The following NIPSNAP3B variants were observed in gnomAD, a reference collection of about 807,000 sequenced individuals.
NIPSNAP3B encodes protein NipSnap homolog 3B.
A neutral mutation model predicts 31.5 loss-of-function variants in NIPSNAP3B; 30 were observed. The ratio of observed to expected loss-of-function variants is 0.95; its 90% CI spans 0.71 to 1.29. NIPSNAP3B has a LOEUF of 1.29. Among genes scored for constraint, NIPSNAP3B ranks in the 50% most tolerant of loss-of-function variants. The pLI is 0.00. For synonymous variants in NIPSNAP3B, 106 were observed against 107.9 expected, an observed-to-expected ratio of 0.98 and a Z score of 0.11; for missense variants, 269 against 300.7, an observed-to-expected ratio of 0.89 and a Z score of 0.78.
chr9:104,768,555 A>G (rs370115811), intron 2 of NIPSNAP3B, among the ~76,000 whole-genome samples: 56 of 152,254 alleles, frequency 3.7e-4, no homozygotes, highest in African/African-American at 1.2e-3. Flanking sequence ...TTTTCTTCAC[A>G]GAATAAGAAA....
the NIPSNAP3B span, chr9:104,785,528 T>C: frequency 3.1e-6 from 5 of 1,614,022 alleles, no homozygotes; most frequent in East Asian, 6.7e-5. Flanking sequence ...TGTTCCGGTG[T>C]TTCTCTTTTA....
Position 104,775,526 on chromosome 9 carries a change from T to C in NIPSNAP3B, c.*2453T>C, listed in dbSNP as rs1384874263. ...ACCACTTCTCTTTTCTATTTATACT[T>C]ACTCCCTGCGTCATCACCCCCAGTC... On this transcript the variant is annotated 3_prime_UTR_variant, in exon 6 of 6. Coordinates refer to ENST00000374762, the MANE Select transcript of NIPSNAP3B (RefSeq NM_018376.4). 6.6e-6 allele frequency among the ~76,000 whole-genome samples: 1 copy of C among 152,196 alleles called. No individual in the cohort carries two copies. The highest frequency in any genetic ancestry group is 2.4e-5 in the African/African-American group (1 of 41,456).
At chr9:104,768,114 T>C in intron 2 of NIPSNAP3B, among the ~76,000 whole-genome samples, 1 of 152,188 alleles carries the variant, frequency 6.6e-6, no homozygotes, top group Non-Finnish European at 1.5e-5. Context: ...ATATTTTTAA[T>C]CTGCAGTTGG....
chr9:104,765,050 GA>G (rs2118776948), intron 1 of NIPSNAP3B, among the ~76,000 whole-genome samples: 1 of 152,182 alleles, frequency 6.6e-6, no homozygotes, highest in South Asian at 2.1e-4. Context: ...TTTATTTTCA[GA>G]ATTTGATTAA....
chr9:104,788,381 C>T, the NIPSNAP3B span: 1 of 1,613,804 alleles, frequency 6.2e-7, no homozygotes, highest in Non-Finnish European at 8.5e-7. Flanking sequence ...TATATATTGT[C>T]AGGATGCCAA....
chr9:104,776,476 T>A lies in NIPSNAP3B; in HGVS notation c.*3403T>A, dbSNP rs912767370. On this transcript the variant is annotated 3_prime_UTR_variant, in exon 6 of 6. Transcript: ENST00000374762. Reference sequence around the variant, plus strand: ...TGTGAGTTAGTTTTAGATGAGGTCATGTGGGTAATAGAATTAGTGCATTTA... The same window carrying A: ...TGTGAGTTAGTTTTAGATGAGGTCAAGTGGGTAATAGAATTAGTGCATTTA... Among the ~76,000 whole-genome samples, 1 of 152,160 alleles carries A rather than the reference T, an allele frequency of 6.6e-6. No individual in the cohort carries two copies. The highest frequency in any genetic ancestry group is 1.5e-5 in the Non-Finnish European group (1 of 68,014).
In NIPSNAP3B at chr9:104,764,129, C is replaced by G; in HGVS notation, c.-112C>G. On this transcript the variant is annotated 5_prime_UTR_variant, in exon 1 of 6. Coordinates refer to ENST00000374762, the MANE Select transcript of NIPSNAP3B (RefSeq NM_018376.4). ...GGAGCTGACCCCGCCGAGTCCCGCC[C>G]CTGCCTGAGTTCGCCAGTGGTCCAG... is the stretch of plus-strand genomic sequence containing the variant. 9.9e-7 allele frequency: 1 copy of G among 1,006,240 alleles called. No individual in the cohort carries two copies. The highest frequency in any genetic ancestry group is 1.5e-6 in the Non-Finnish European group (1 of 673,486). 62.3% of individuals were successfully genotyped at this position (1,006,240 alleles called of 1,614,324 possible). A position where few individuals can be genotyped will look rare whatever the true frequency, so the allele number is the denominator to read the frequency against.
chr9:104,779,103 C>T (rs548347494), downstream of NIPSNAP3B, among the ~76,000 whole-genome samples: 6 of 152,296 alleles, frequency 3.9e-5, no homozygotes, highest in African/African-American at 1.2e-4. Flanking sequence ...TTCGCACCCA[C>T]CTTGAAAGGC....
rs1303405462 is a variant in NIPSNAP3B at position 104,764,270 on chromosome 9, G to A, written c.30G>A (p.Lys10=). 1 of 1,598,696 alleles carries A rather than the reference G, an allele frequency of 6.3e-7. No homozygotes were observed. The highest frequency in any genetic ancestry group is 8.5e-7 in the Non-Finnish European group (1 of 1,174,702). The change falls in exon 1 of 6, where the codon AAG becomes AAA. Residue 10 remains lysine, a synonymous_variant. Transcript: ENST00000374762. MLVLRSGLT[K]ALASRTLAPQ... is the part of the protein sequence containing the mutation. Reference sequence around the variant, plus strand: ...TCGTTCTCAGAAGCGGCCTGACCAAGGCGCTTGCCTCACGGACGCTCGCGC... The same window carrying A: ...TCGTTCTCAGAAGCGGCCTGACCAAAGCGCTTGCCTCACGGACGCTCGCGC...
At chr9:104,782,363 T>C (rs1182310338), downstream of NIPSNAP3B, 1 of 152,102 alleles carries the variant, frequency 6.6e-6, no homozygotes, top group African/African-American at 2.4e-5. Context: ...TTAAAAAATA[T>C]AGAAAGATTA....
chr9:104,787,247 G>T, the NIPSNAP3B span, among the ~76,000 whole-genome samples: 12 of 152,032 alleles, frequency 7.9e-5, no homozygotes, highest in African/African-American at 2.2e-4. Context: ...AAGGAAAAAG[G>T]CCATTTAGTT....
the NIPSNAP3B span, chr9:104,788,116 C>T: frequency 6.5e-7 from 1 of 1,531,226 alleles, no homozygotes; most frequent in Non-Finnish European, 9.1e-7. Flanking sequence ...TGCTGTCCTA[C>T]ACATACATGT....
At chr9:104,769,400 G>A (rs1828161365) in intron 3 of NIPSNAP3B, among the ~76,000 whole-genome samples, 1 of 138,224 alleles carries the variant, frequency 7.2e-6, no homozygotes, top group Admixed American at 8.7e-5. Context: ...CTTCCAGTGA[G>A]CCGAGATCTC....
At position 104,764,287 on chromosome 9, in the gene NIPSNAP3B, C is replaced by G. The variant is rs1052444850; in HGVS notation, c.47C>G (p.Thr16Arg). Residue 16 changes from threonine (T) to arginine (R), a missense_variant, in exon 1 of 6, where the codon ACG (threonine) becomes AGG (arginine). Transcript: ENST00000374762. ...CTGACCAAGGCGCTTGCCTCACGGA[C>G]GCTCGCGCCTCAGGTACTGGCCGCG... ...SGLTKALASR[T>R]LAPQVCSSFA... The G allele has an allele frequency of 7.5e-6, 12 of 1,590,352 alleles. No individual in the cohort carries two copies. The African/African-American group carries it at 1.3e-4, about 18-fold the overall frequency.
At position 104,776,951 on chromosome 9, in the gene NIPSNAP3B, C is replaced by A. The variant is rs1049741320; in HGVS notation, c.*3878C>A. On this transcript the variant is annotated 3_prime_UTR_variant, in exon 6 of 6. Coordinates refer to ENST00000374762, the MANE Select transcript of NIPSNAP3B (RefSeq NM_018376.4). ...GAGCCACTGTTAACAGATTACATAA[C>A]TGTTATTGGAAGTGCCTCACTACTC... Among the ~76,000 whole-genome samples, 6 of 152,292 alleles carry A rather than the reference C, an allele frequency of 3.9e-5. No individual in the cohort carries two copies. The highest frequency in any genetic ancestry group is 1.2e-4 in the African/African-American group (5 of 41,556).
chr9:104,784,266 A>G, the NIPSNAP3B span: 3 of 1,612,634 alleles, frequency 1.9e-6, no homozygotes, highest in Non-Finnish European at 2.5e-6. Context: ...GGTGCAAAGG[A>G]AAGTCTAGTT....
intron 1 of NIPSNAP3B, 125 bp from the exon 2 acceptor site, chr9:104,766,200 G>A: frequency 1.4e-6 from 1 of 698,894 alleles, no homozygotes; most frequent in Non-Finnish European, 2.5e-6. Context: ...ATGGAGAATT[G>A]ACAACAAAAG....
At chr9:104,783,198 A>G in the NIPSNAP3B span, 1 of 152,228 alleles carries the variant, frequency 6.6e-6, no homozygotes. Context: ...ATACTCCTCT[A>G]TACCACAGGG....
downstream of NIPSNAP3B, among the ~76,000 whole-genome samples, chr9:104,780,129 C>T (rs1465296939): frequency 3.9e-5 from 6 of 152,152 alleles, no homozygotes; most frequent in Non-Finnish European, 7.4e-5. Flanking sequence ...TCCTCTCCCT[C>T]GTCATTGTTC....
Sources: allele counts gnomAD v4.1 joint callset (sites outside exome capture counted in the v4.1 genomes callset), GRCh38; gene constraint gnomAD v4.1.1; transcripts MANE v1.5; gene names NCBI Gene and HGNC (gene_info 2026-07-23, HGNC 2026-07-21).